Variants in RSF1 observed in about 807,000 individuals in gnomAD.
RSF1 encodes remodeling and spacing factor 1.
In RSF1, 13 loss-of-function variants were observed where a neutral mutation model predicts 145.2. That is an observed-to-expected ratio of 0.09 (90% CI 0.06 to 0.14). The LOEUF is 0.14. Ranked by LOEUF, RSF1 falls within the 10% of genes least tolerant of loss-of-function variation. The probability of loss-of-function intolerance (pLI) is 1.00; values close to 1 mark genes in which losing one functional copy is unlikely to be tolerated. For missense variants in RSF1, 1,517 were observed against 1,718.2 expected, an observed-to-expected ratio of 0.88 and a Z score of 2.07; for synonymous variants, 577 against 592.6, an observed-to-expected ratio of 0.97 and a Z score of 0.38.
chr11:77,698,762 T>C (rs1056318549), intron 6 of RSF1, 69 bp from the exon 7 acceptor site: 10 of 1,292,972 alleles, frequency 7.7e-6, no homozygotes, highest in African/African-American at 3.0e-5. Flanking sequence ...CCTGATTACA[T>C]GTCCATTGTA....
upstream of RSF1, chr11:77,821,079 C>T: frequency 2.2e-6 from 1 of 463,912 alleles, no homozygotes; most frequent in South Asian, 4.4e-5. Context: ...AGAACAATGG[C>T]CAATGGACGC....
intron 1 of RSF1, among the ~76,000 whole-genome samples, chr11:77,815,612 A>G (rs944051674): frequency 2.6e-5 from 4 of 152,196 alleles, no homozygotes; most frequent in African/African-American, 4.8e-5. Flanking sequence ...GAATGCACGG[A>G]CTATTGCTCC....
intron 5 of RSF1, among the ~76,000 whole-genome samples, chr11:77,706,261 T>A (rs993777181): frequency 4.1e-5 from 6 of 146,628 alleles, no homozygotes; most frequent in Non-Finnish European, 4.5e-5. Flanking sequence ...AAAAAAAAAA[T>A]TAAGACTCTC....
intron 11 of RSF1, among the ~76,000 whole-genome samples, chr11:77,678,801 C>T (rs1959782515): frequency 6.6e-6 from 1 of 152,074 alleles, no homozygotes. Context: ...TCATCCCTTC[C>T]GTGATTAAGA....
intron 3 of RSF1, among the ~76,000 whole-genome samples, chr11:77,743,986 C>G (rs1004335276): frequency 6.6e-6 from 1 of 151,764 alleles, no homozygotes; most frequent in Admixed American, 6.6e-5. Flanking sequence ...AATATTTGTC[C>G]TTCATTCTCT....
intron 2 of RSF1, among the ~76,000 whole-genome samples, chr11:77,760,158 C>T (rs1400758666): frequency 6.6e-6 from 1 of 151,994 alleles, no homozygotes; most frequent in Non-Finnish European, 1.5e-5. Context: ...TCCTAATAGA[C>T]AACAAAGTGG....
chr11:77,735,682 A>G (rs1453711982), intron 4 of RSF1, among the ~76,000 whole-genome samples: 1 of 152,228 alleles, frequency 6.6e-6, no homozygotes, highest in African/African-American at 2.4e-5. Flanking sequence ...TATTAAATGA[A>G]AAAGTCAAAG....
chr11:77,833,381 T>C, the RSF1 span, among the ~76,000 whole-genome samples: 2 of 152,088 alleles, frequency 1.3e-5, no homozygotes, highest in Non-Finnish European at 2.9e-5. Context: ...AGGCATTAGA[T>C]TTTCATAAGG....
intron 15 of RSF1, 144 bp downstream of exon 15, chr11:77,671,898 T>C (rs893370092): frequency 5.0e-5 from 34 of 678,094 alleles, no homozygotes; most frequent in Non-Finnish European, 6.8e-5. Flanking sequence ...CCTCCCAAAC[T>C]GCCGGGATTA....
chr11:77,668,460 C>CT (rs1428191955), intron 15 of RSF1, among the ~76,000 whole-genome samples: 2 of 152,222 alleles, frequency 1.3e-5, no homozygotes, highest in Non-Finnish European at 2.9e-5. Context: ...AACTCTGTAC[C>CT]TCTTAAACAC....
intron 2 of RSF1, among the ~76,000 whole-genome samples, chr11:77,754,132 T>C (rs553090931): frequency 1.3e-5 from 2 of 152,290 alleles, no homozygotes; most frequent in South Asian, 2.1e-4. Context: ...GGGGCATTGA[T>C]TGGGTAGTTC....
chr11:77,737,447 C>G (rs1287068351), intron 4 of RSF1, among the ~76,000 whole-genome samples: 1 of 149,636 alleles, frequency 6.7e-6, no homozygotes, highest in Admixed American at 6.7e-5. Context: ...AAAGCGAGAT[C>G]CTGTCTCAAA....
chr11:77,818,070 A>G (rs962518267), intron 1 of RSF1, among the ~76,000 whole-genome samples: 14 of 152,240 alleles, frequency 9.2e-5, no homozygotes, highest in African/African-American at 3.4e-4. Flanking sequence ...ACCTTATGAT[A>G]GGATCTATTA....
intron 11 of RSF1, among the ~76,000 whole-genome samples, chr11:77,678,512 T>C (rs941010103): frequency 2.6e-5 from 4 of 152,114 alleles, no homozygotes; most frequent in Non-Finnish European, 4.4e-5. Context: ...CGCACCCAGC[T>C]GTCCTTTTAT....
intron 14 of RSF1, 92 bp from the exon 15 acceptor site, chr11:77,672,322 T>G (rs1959576582): frequency 1.0e-6 from 1 of 997,734 alleles, no homozygotes; most frequent in Admixed American, 2.9e-5. Context: ...CCAAGCAGAG[T>G]TCAGTCATAA....
intron 5 of RSF1, among the ~76,000 whole-genome samples, chr11:77,719,774 G>C (rs182899684): frequency 2.6e-5 from 4 of 152,294 alleles, no homozygotes; most frequent in Non-Finnish European, 5.9e-5. Context: ...AAGGAATGAA[G>C]TACTGATACA....
chr11:77,725,045 T>G (rs1435905424), intron 5 of RSF1, among the ~76,000 whole-genome samples: 1 of 152,152 alleles, frequency 6.6e-6, no homozygotes. Context: ...AAGAGACAGA[T>G]AGCAGAATGA....
At chr11:77,683,344 G>C (rs1959916244) in intron 11 of RSF1, among the ~76,000 whole-genome samples, 1 of 151,946 alleles carries the variant, frequency 6.6e-6, no homozygotes, top group South Asian at 2.1e-4. Flanking sequence ...ATCTGATAAA[G>C]TATGTTAAAG....
chr11:77,791,805 A>T (rs1948520151), intron 1 of RSF1, among the ~76,000 whole-genome samples: 1 of 152,186 alleles, frequency 6.6e-6, no homozygotes, highest in South Asian at 2.1e-4. Context: ...CTTATTGTCC[A>T]TATCGCTATC....
Sources: allele counts gnomAD v4.1 joint callset (sites outside exome capture counted in the v4.1 genomes callset), GRCh38; gene constraint gnomAD v4.1.1; transcripts MANE v1.5; gene names NCBI Gene and HGNC (gene_info 2026-07-23, HGNC 2026-07-21).